Variants in MYPOP observed in about 807,000 individuals in gnomAD.
MYPOP encodes Myb related transcription factor, partner of profilin, also known as myb-related transcription factor, partner of profilin.
Under a neutral mutation model 25.7 loss-of-function variants are expected in MYPOP, and 21 were observed. The ratio of observed to expected loss-of-function variants is 0.82; its 90% CI spans 0.58 to 1.18. MYPOP has a LOEUF of 1.18. Ranked by LOEUF, MYPOP falls within the 50% of genes most tolerant of loss-of-function variation. MYPOP has a pLI of 0.00. For missense variants in MYPOP, 566 were observed against 588.3 expected (o/e 0.96, Z 0.39); for synonymous variants, 280 against 247.9 (o/e 1.13, Z -1.22).
chr19:45,890,639 C>T lies in MYPOP; in HGVS notation c.1184G>A (p.Arg395Gln), dbSNP rs761374885. The change falls in exon 3 of 3, where the codon CGA becomes CAA. Residue 395 changes from arginine to glutamine, a missense_variant. Transcript: ENST00000322217. Reference protein sequence around the residue: ...KGFPTRKRRGRWKSP With the variant: ...KGFPTRKRRGQWKSP ...TAGTAGATTTCACGGAGATTTCCATCGGCCGCGCCTTTTCCGTGTAGGGAA... is the reference window on the plus strand; with the variant it reads ...TAGTAGATTTCACGGAGATTTCCATTGGCCGCGCCTTTTCCGTGTAGGGAA... The T allele has an allele frequency of 8.1e-6, 13 of 1,602,030 alleles. No homozygotes were observed. Among genetic ancestry groups the T allele is most frequent in the East Asian group, 2.3e-5 (1 of 44,002 alleles).
intron 2 of MYPOP, among the ~76,000 whole-genome samples, chr19:45,895,117 T>G (rs980701398): frequency 3.3e-5 from 5 of 152,216 alleles, no homozygotes; most frequent in Non-Finnish European, 7.3e-5. Context: ...AGCAAAGTCC[T>G]TGAGGCCTCT....
chr19:45,891,464 T>A (rs1967125841), intron 2 of MYPOP, 141 bp from the exon 3 acceptor site: 6 of 990,052 alleles, frequency 6.1e-6, no homozygotes, highest in South Asian at 2.1e-5. Context: ...CCCAAGACAG[T>A]CTTGGTCTGT....
chr19:45,901,733 C>G lies in MYPOP; in HGVS notation c.41G>C (p.Arg14Pro). 1 of 1,541,928 alleles carries G rather than the reference C, an allele frequency of 6.5e-7. No homozygotes were observed. Among genetic ancestry groups the G allele is most frequent in the Non-Finnish European group, 8.7e-7 (1 of 1,147,804 alleles). ...GAATGAGAAGCGCGGCTTGCGCAAC[C>G]GGGTGGTTTCCTCCGCTTCGCCCGC... The part of the protein sequence containing the change: ...AAAGEAEETT[R>P]LRKPRFSFEE... Residue 14 changes from arginine to proline, a missense_variant, in exon 2 of 3, where the codon CGG (arginine) becomes CCG (proline). Transcript: ENST00000322217. This position sits in a 1 kb window ranked among gnomAD's most constrained non-coding sequence, Gnocchi z 5.7.
chr19:45,901,602 C>G lies in MYPOP; in HGVS notation c.172G>C (p.Gly58Arg), dbSNP rs1411896723. 3.1e-6 allele frequency: 5 copies of G among 1,610,674 alleles called. No homozygotes were observed. Among genetic ancestry groups the G allele is most frequent in the Non-Finnish European group, 8.5e-7 (1 of 1,179,278 alleles). The change falls in exon 2 of 3, where the codon GGC becomes CGC. Residue 58 changes from glycine to arginine, a missense_variant. Transcript: ENST00000322217. This position sits in a 1 kb window ranked among gnomAD's most constrained non-coding sequence, Gnocchi z 5.7. ...SVAERRRVWD[G>R]IAAKINGITS... Reference sequence around the variant, plus strand: ...ATACCGTTGATCTTGGCGGCGATGCCGTCCCACACGCGCCGCCGCTCTGCC... The same window carrying G: ...ATACCGTTGATCTTGGCGGCGATGCGGTCCCACACGCGCCGCCGCTCTGCC...
At position 45,890,566 on chromosome 19, in the gene MYPOP, C is replaced by G; in HGVS notation, c.*57G>C. ...TGGGATGGGCAGAGAGCATCGCCCC[C>G]CTCGACTGCGCCAAGCTGGGGAGAG... On this transcript the variant is annotated 3_prime_UTR_variant, in exon 3 of 3. Transcript: ENST00000322217. 1 of 1,591,586 alleles carries G rather than the reference C, an allele frequency of 6.3e-7. No homozygotes were observed. Among genetic ancestry groups the G allele is most frequent in the Non-Finnish European group, 8.6e-7 (1 of 1,167,470 alleles).
Position 45,901,914 on chromosome 19 carries a change from TC to T in MYPOP, c.-52-90del. ...GACCGCCGGGCCGAGAGCTCCTTAG[TC>T]CCCGGGGGCAGGAGTGGGGGCGGGG... is the stretch of plus-strand genomic sequence containing the variant. On this transcript the variant is annotated intron_variant, in intron 1 of 2. Transcript: ENST00000322217. This position sits in a 1 kb window ranked among gnomAD's most constrained non-coding sequence, Gnocchi z 5.7. 1 of 524,712 alleles carries T rather than the reference TC, an allele frequency of 1.9e-6. No homozygotes were observed. The highest frequency in any genetic ancestry group is 2.8e-6 in the Non-Finnish European group (1 of 363,320). 32.5% of individuals were successfully genotyped at this position (524,712 alleles called of 1,614,324 possible).
At chr19:45,898,904 T>C (rs955230992) in intron 2 of MYPOP, among the ~76,000 whole-genome samples, 4 of 152,196 alleles carry the variant, frequency 2.6e-5, no homozygotes, top group South Asian at 2.1e-4. Context: ...TGGGACTTCT[T>C]TGTGGTCTGT....
Position 45,890,712 on chromosome 19 carries a change from C to CGGGGGGGGGGGGGGGGG in MYPOP, c.1110_1111insCCCCCCCCCCCCCCCCC (p.Ala371ProfsTer41). 1 of 413,646 alleles carries CGGGGGGGGGGGGGGGGG rather than the reference C, an allele frequency of 2.4e-6. No homozygotes were observed. Among genetic ancestry groups the CGGGGGGGGGGGGGGGGG allele is most frequent in the Non-Finnish European group, 4.4e-6 (1 of 228,742 alleles). The allele number at this position is 413,646 out of a possible 1,614,324, so 25.6% of individuals were successfully genotyped here. ...GGGGAGTCGTGCGGAGGGAGCGGGG[C>CGGGGGGGGGGGGGGGGG]TGGGGGGGGCCGGGGTGCCCCCTCC... On this transcript the variant is annotated frameshift_variant, in exon 3 of 3. Transcript: ENST00000322217. LOFTEE classifies it high-confidence loss of function.
At chr19:45,896,946 G>A (rs1230302826) in intron 2 of MYPOP, among the ~76,000 whole-genome samples, 25 of 152,044 alleles carry the variant, frequency 1.6e-4, no homozygotes, top group Non-Finnish European at 2.9e-5. Flanking sequence ...ATAGAGATGG[G>A]AGCCTCGCTA....
Position 45,901,585 on chromosome 19 carries a change from G to C in MYPOP, c.189C>G (p.Ile63Met). ...RRVWDGIAAK[I>M]NGITSWKRTG... is the part of the protein sequence containing the mutation. ...TGCGCTTCCAGCTGGTGATACCGTTGATCTTGGCGGCGATGCCGTCCCACA... is the reference window on the plus strand; with the variant it reads ...TGCGCTTCCAGCTGGTGATACCGTTCATCTTGGCGGCGATGCCGTCCCACA... The change falls in exon 2 of 3, where the codon ATC becomes ATG. Residue 63 changes from isoleucine to methionine, a missense_variant. By Grantham distance (10) the Ile-to-Met change is conservative (BLOSUM62 1). Transcript: ENST00000322217. The surrounding 1 kb of genome is among the most constrained non-coding windows in gnomAD (Gnocchi z 5.7). 1 of 1,611,850 alleles carries C rather than the reference G, an allele frequency of 6.2e-7. No homozygotes were observed. Among genetic ancestry groups the C allele is most frequent in the Non-Finnish European group, 8.5e-7 (1 of 1,179,570 alleles).
At chr19:45,899,178 A>G (rs1174590748) in intron 2 of MYPOP, among the ~76,000 whole-genome samples, 1 of 152,196 alleles carries the variant, frequency 6.6e-6, no homozygotes, top group African/African-American at 2.4e-5. Flanking sequence ...GTGAGCCGAG[A>G]TTGCGCCATT....
At chr19:45,899,835 C>T (rs763601895) in intron 2 of MYPOP, among the ~76,000 whole-genome samples, 5 of 152,032 alleles carry the variant, frequency 3.3e-5, no homozygotes, top group African/African-American at 9.7e-5. Context: ...AGCAAGACTC[C>T]GTCTCAAAAC....
Position 45,901,712 on chromosome 19 carries a change from G to T in MYPOP, c.62C>A (p.Ser21Ter). Residue 21 changes from serine (S) to a stop codon, truncating the protein, a stop_gained, in exon 2 of 3, where the codon TCA (serine) becomes TAA (stop). Transcript: ENST00000322217. LOFTEE classifies it high-confidence loss of function. The surrounding 1 kb of genome is among the most constrained non-coding windows in gnomAD (Gnocchi z 5.7). ...GATCAGGATCTGGTTCTCTTCGAATGAGAAGCGCGGCTTGCGCAACCGGGT... is the reference window on the plus strand; with the variant it reads ...GATCAGGATCTGGTTCTCTTCGAATTAGAAGCGCGGCTTGCGCAACCGGGT... ...ETTRLRKPRFSFEENQILIRE... is the reference protein window; with the variant it reads ...ETTRLRKPRF 6.3e-7 allele frequency: 1 copy of T among 1,579,680 alleles called. No homozygotes were observed. Among genetic ancestry groups the T allele is most frequent in the Non-Finnish European group, 8.6e-7 (1 of 1,165,920 alleles).
intron 2 of MYPOP, among the ~76,000 whole-genome samples, chr19:45,896,598 G>C (rs1292360486): frequency 6.6e-6 from 1 of 151,826 alleles, no homozygotes; most frequent in Non-Finnish European, 1.5e-5. Context: ...TTTGAACCCA[G>C]GTTGACTCCA....
chr19:45,897,443 TG>T (rs1192324507), intron 2 of MYPOP, among the ~76,000 whole-genome samples: 1 of 152,120 alleles, frequency 6.6e-6, no homozygotes, highest in Non-Finnish European at 1.5e-5. Flanking sequence ...ATAAGGAACG[TG>T]GGAATTGCAG....
chr19:45,901,473 C>A lies in MYPOP; in HGVS notation c.301G>T (p.Ala101Ser). 2 of 1,602,510 alleles carry A rather than the reference C, an allele frequency of 1.2e-6. No individual in the cohort carries two copies. Among genetic ancestry groups the A allele is most frequent in the Non-Finnish European group, 1.7e-6 (2 of 1,174,842 alleles). The change falls in exon 2 of 3, where the codon GCC becomes TCC. Residue 101 changes from alanine (A) to serine (S), a missense_variant. By Grantham distance (99) the Ala-to-Ser change is moderately conservative. Transcript: ENST00000322217. This position sits in a 1 kb window ranked among gnomAD's most constrained non-coding sequence, Gnocchi z 5.7. ...LARVPHSTQG[A>S]GPAAEDAFSA... is the part of the protein sequence containing the mutation. ...AAAGCGTCCTCCGCGGCGGGCCCGG[C>A]GCCCTGCGTGGAGTGCGGCACGCGA...
chr19:45,893,955 A>T (rs1202028771), intron 2 of MYPOP, among the ~76,000 whole-genome samples: 1 of 148,698 alleles, frequency 6.7e-6, no homozygotes, highest in African/African-American at 2.5e-5. Context: ...ACGCCCGGCT[A>T]ATTTTTTGTA....
intron 2 of MYPOP, among the ~76,000 whole-genome samples, chr19:45,897,312 C>T (rs1275985269): frequency 6.6e-6 from 1 of 152,084 alleles, no homozygotes. Context: ...ATCCGTGTAC[C>T]TCGGCCTCCC....
intron 2 of MYPOP, among the ~76,000 whole-genome samples, chr19:45,897,399 T>A (rs58846946): frequency 0.16 from 23,983 of 152,030 alleles, 2,055 homozygotes; most frequent in South Asian, 0.27. Context: ...GGGCAAGGGC[T>A]GTGGGCCTGG....
Sources: allele counts gnomAD v4.1 joint callset (sites outside exome capture counted in the v4.1 genomes callset), GRCh38; gene constraint gnomAD v4.1.1; non-coding constraint Gnocchi (gnomAD v3.1); transcripts MANE v1.5; gene names NCBI Gene and HGNC (gene_info 2026-07-23, HGNC 2026-07-21).